Variants in SH3GLB1 observed in about 807,000 individuals in gnomAD.
The protein encoded by SH3GLB1 is SH3 domain containing GRB2 like, endophilin B1, also known as endophilin-B1.
In SH3GLB1, 17 loss-of-function variants were observed where a neutral mutation model predicts 42.0. The observed-to-expected ratio is 0.40, with a 90% CI of 0.28 to 0.61. SH3GLB1 has a LOEUF of 0.61. SH3GLB1 is among the 20% of genes least tolerant of loss of function. The probability of loss-of-function intolerance (pLI) is 0.36; values close to 1 mark genes in which losing one functional copy is unlikely to be tolerated. For missense variants in SH3GLB1, 355 were observed against 426.3 expected (o/e 0.83, Z 1.47); for synonymous variants, 132 against 146.6 (o/e 0.90, Z 0.72).
At chr1:86,739,359 T>TA (rs1185576578) in intron 7 of SH3GLB1, among the ~76,000 whole-genome samples, 6 of 152,032 alleles carry the variant, frequency 3.9e-5, no homozygotes, top group Non-Finnish European at 5.9e-5. Flanking sequence ...AAATGGAAAC[T>TA]AAGAGTATGG....
chr1:86,742,117 G>T (rs166415), intron 7 of SH3GLB1, 91 bp from the exon 8 acceptor site: 200,378 of 821,484 alleles, frequency 0.24, 29,495 homozygotes, highest in African/African-American at 0.62. Context: ...CAATGTGAAG[G>T]TTGGTAGAAA....
rs777152064 is a variant in SH3GLB1 at position 86,719,565 on chromosome 1, A to T, written c.273A>T (p.Ile91=). The T allele has an allele frequency of 4.3e-6, 7 of 1,611,290 alleles. No individual in the cohort carries two copies. The highest frequency in any genetic ancestry group is 5.9e-6 in the Non-Finnish European group (7 of 1,178,576). The change falls in exon 3 of 9, where the codon ATA becomes ATT. Residue 91 remains isoleucine (I), a synonymous_variant. Coordinates refer to ENST00000370558, the MANE Select transcript of SH3GLB1 (RefSeq NM_016009.5). Reference sequence around the variant, plus strand: ...TGGATAGAAAAGCTCCAAGTCGTATAAACAACCCAGAACTTTTGGGACAAT... The same window carrying T: ...TGGATAGAAAAGCTCCAAGTCGTATTAACAACCCAGAACTTTTGGGACAAT... The part of the protein sequence containing the change: ...EKLDRKAPSR[I]NNPELLGQYM...
intron 7 of SH3GLB1, among the ~76,000 whole-genome samples, chr1:86,737,721 A>G (rs1039643743): frequency 7.2e-5 from 11 of 152,228 alleles, no homozygotes; most frequent in African/African-American, 2.7e-4. Context: ...GGGAGCAGAA[A>G]AGCAATATGT....
chr1:86,723,613 A>G (rs1258577256), intron 4 of SH3GLB1, among the ~76,000 whole-genome samples: 1 of 152,222 alleles, frequency 6.6e-6, no homozygotes, highest in Non-Finnish European at 1.5e-5. Context: ...GAATTATAAT[A>G]AACTTACATA....
intron 2 of SH3GLB1, 35 bp downstream of exon 2, chr1:86,715,900 T>C (rs112131794): frequency 1.9e-6 from 3 of 1,567,692 alleles, no homozygotes. Context: ...CCTTAAGTAC[T>C]ATTAGTGGGT....
rs1656156284 is a variant in SH3GLB1 at position 86,743,356 on chromosome 1, C to G, written c.*121C>G. ...TTAAGAGACTGAAAATACCAGCCATCAGAAACTGGCCTTTCTGCCAATAAA... is the reference window on the plus strand; with the variant it reads ...TTAAGAGACTGAAAATACCAGCCATGAGAAACTGGCCTTTCTGCCAATAAA... On this transcript the variant is annotated 3_prime_UTR_variant, in exon 9 of 9. Coordinates refer to ENST00000370558, the MANE Select transcript of SH3GLB1 (RefSeq NM_016009.5). The G allele has an allele frequency of 1.4e-5, 7 of 510,806 alleles. No homozygotes were observed. Among genetic ancestry groups the G allele is most frequent in the Non-Finnish European group, 2.3e-5 (7 of 307,186 alleles). The allele number at this position is 510,806 out of a possible 1,614,324, so 31.6% of individuals were successfully genotyped here.
chr1:86,719,423 A>T (rs1340064090), intron 2 of SH3GLB1, 84 bp from the exon 3 acceptor site: 2 of 1,240,376 alleles, frequency 1.6e-6, no homozygotes, highest in Non-Finnish European at 2.2e-6. Context: ...GGAGATGATA[A>T]ATGGCTGCTG....
At chr1:86,730,225 C>G in intron 5 of SH3GLB1, 1 of 1,423,064 alleles carries the variant, frequency 7.0e-7, no homozygotes, top group Non-Finnish European at 9.3e-7. Flanking sequence ...GTTAGTATAC[C>G]TTATAAAATC....
chr1:86,737,588 ATCAGAGAAACATTTGCTTT>A (rs1355205584), intron 7 of SH3GLB1, among the ~76,000 whole-genome samples: 2 of 152,206 alleles, frequency 1.3e-5, no homozygotes, highest in African/African-American at 4.8e-5. Context: ...CCCTTTATCC[ATCAGAGAAACATTTGCTTT>A]TCATTTTTAA....
chr1:86,715,122 AC>A (rs2101925036), intron 1 of SH3GLB1, among the ~76,000 whole-genome samples: 1 of 152,280 alleles, frequency 6.6e-6, no homozygotes, highest in South Asian at 2.1e-4. Flanking sequence ...TATTTATCTA[AC>A]TAGGTGTGAT....
intron 1 of SH3GLB1, among the ~76,000 whole-genome samples, chr1:86,712,051 C>G (rs1654244949): frequency 6.6e-6 from 1 of 151,896 alleles, no homozygotes; most frequent in Non-Finnish European, 1.5e-5. Context: ...TGGAAAAATC[C>G]TTTTGCTTCC....
chr1:86,733,324 T>TG, intron 5 of SH3GLB1, among the ~76,000 whole-genome samples: 1 of 152,206 alleles, frequency 6.6e-6, no homozygotes, highest in East Asian at 1.9e-4. Context: ...TCTACTTTGC[T>TG]GCTACTTCCT....
At chr1:86,727,297 A>G (rs1185334580) in intron 5 of SH3GLB1, among the ~76,000 whole-genome samples, 1 of 152,024 alleles carries the variant, frequency 6.6e-6, no homozygotes, top group Non-Finnish European at 1.5e-5. Flanking sequence ...TTTCTCAAAA[A>G]TATACCAATT....
rs1178917665 is a variant in SH3GLB1 at position 86,730,364 on chromosome 1, T to C, written c.571-4238T>C. 11 of 985,278 alleles carry C rather than the reference T, an allele frequency of 1.1e-5. No individual in the cohort carries two copies. The African/African-American group carries it at 1.9e-4, about 17-fold the overall frequency. 61.0% of individuals were successfully genotyped at this position (985,278 alleles called of 1,614,324 possible). A position where few individuals can be genotyped will look rare whatever the true frequency, so the allele number is the denominator to read the frequency against. On this transcript the variant is annotated intron_variant, in intron 5 of 8. Transcript: ENST00000370558. ...GGATACCTGTTATACTAAGTGGTAATCTTACAGTTCCTTACTATAGAAGGC... is the reference window on the plus strand; with the variant it reads ...GGATACCTGTTATACTAAGTGGTAACCTTACAGTTCCTTACTATAGAAGGC...
At chr1:86,716,051 A>T (rs1381336659) in intron 2 of SH3GLB1, among the ~76,000 whole-genome samples, 186 bp downstream of exon 2, 2 of 152,194 alleles carry the variant, frequency 1.3e-5, no homozygotes, top group Non-Finnish European at 2.9e-5. Flanking sequence ...AACCAATTTT[A>T]AAATGATATT....
intron 8 of SH3GLB1, 80 bp downstream of exon 8, chr1:86,742,516 C>T (rs942846092): frequency 9.9e-7 from 1 of 1,014,554 alleles, no homozygotes; most frequent in Non-Finnish European, 1.5e-6. Context: ...GCAAATTCCT[C>T]ATTAGTTATT....
chr1:86,713,361 C>CGG (rs1413640746), intron 1 of SH3GLB1, among the ~76,000 whole-genome samples: 1 of 151,950 alleles, frequency 6.6e-6, no homozygotes, highest in African/African-American at 2.4e-5. Flanking sequence ...ACATTACAGG[C>CGG]GGGGGCCCCT....
intron 5 of SH3GLB1, 125 bp downstream of exon 5, chr1:86,724,530 T>C: frequency 2.7e-6 from 2 of 741,714 alleles, no homozygotes; most frequent in Non-Finnish European, 4.4e-6. Context: ...TAAACAAATT[T>C]ATCAGAACTT....
chr1:86,710,327 C>T (rs975246048), intron 1 of SH3GLB1, among the ~76,000 whole-genome samples: 7 of 151,436 alleles, frequency 4.6e-5, no homozygotes, highest in Admixed American at 2.6e-4. Flanking sequence ...TGCAGTGGCA[C>T]GATCTTGGCT....
Sources: gnomAD v4.1 joint callset for allele counts (sites outside exome capture counted in the v4.1 genomes callset) on GRCh38, gnomAD v4.1.1 for gene constraint, MANE v1.5 for transcripts, NCBI Gene and HGNC (gene_info 2026-07-23, HGNC 2026-07-21) for gene names.